The following SETX variants were observed in gnomAD, a reference collection of about 807,000 sequenced individuals.
The protein encoded by SETX is senataxin, also known as helicase senataxin.
Under a neutral mutation model 227.2 loss-of-function variants are expected in SETX, and 90 were observed. The observed-to-expected ratio is 0.40, with a 90% confidence interval of 0.33 to 0.47. SETX has a LOEUF of 0.47. Among genes scored for constraint, SETX ranks in the 20% least tolerant of loss-of-function variants. SETX has a pLI of 0.91. For synonymous variants in SETX, 1,210 were observed against 1,113.2 expected (o/e 1.09, Z -1.73); for missense variants, 3,052 against 3,181.5 (o/e 0.96, Z 0.98).
In SETX at chr9:132,268,956, C is replaced by A. The variant is rs113929520; in HGVS notation, c.7287+659G>T. Among the ~76,000 whole-genome samples the A allele has an allele frequency of 3.6e-3, 546 of 152,156 alleles. 3 individuals carry two copies. Among genetic ancestry groups the A allele is most frequent in the African/African-American group, 0.013 (521 of 41,512 alleles). On this transcript the variant is annotated intron_variant, in intron 25 of 25. Coordinates refer to ENST00000224140, the MANE Select transcript of SETX (RefSeq NM_015046.7). ...GAACCAAAACCAGGGGAAACAGCCA[C>A]CAAGTTGGCTCTTCTTAGATGAAAT... is the stretch of plus-strand genomic sequence containing the variant.
At chr9:132,288,207 G>A in intron 17 of SETX, 29 bp downstream of exon 17, 1 of 1,566,548 alleles carries the variant, frequency 6.4e-7, no homozygotes, top group Non-Finnish European at 8.8e-7. Flanking sequence ...TCGTATACCT[G>A]AGTTATTATT....
At position 132,311,845 on chromosome 9, in the gene SETX, T is replaced by C. The variant is rs1157455519; in HGVS notation, c.5286A>G (p.Glu1762=). The C allele has an allele frequency of 3.7e-6, 6 of 1,612,732 alleles. No homozygotes were observed. The highest frequency in any genetic ancestry group is 5.1e-6 in the Non-Finnish European group (6 of 1,179,208). Residue 1762 remains glutamate (E), a synonymous_variant, in exon 11 of 26, where the codon GAA becomes GAG. Coordinates refer to ENST00000224140, the MANE Select transcript of SETX (RefSeq NM_015046.7). ...VLNTFETVAQ[E]WLNSPNRENF... ...TCTCTCTATTTGGAGAGTTGAGCCA[T>C]TCTTGTGCCACCTATACAAAGCACA...
At chr9:132,283,114 T>G in intron 19 of SETX, 150 bp downstream of exon 19, 1 of 989,292 alleles carries the variant, frequency 1.0e-6, no homozygotes, top group South Asian at 1.4e-5. Context: ...AGGAGTATAT[T>G]TCTACATAAG....
Position 132,328,498 on chromosome 9 carries a change from T to A in SETX, c.3100A>T (p.Thr1034Ser). ...TCAAGGCATATTTTGTCCTGTTTAG[T>A]GAGTTTCTCAAGACTCAGGATTCTT... ...DERILSLEKL[T>S]KQDKICLERE... is the part of the protein sequence containing the mutation. Residue 1034 changes from threonine to serine, a missense_variant, in exon 10 of 26, where the codon ACT becomes TCT. This residue lies in a region of SETX where 1,483 missense variants were observed against 1,312.0 expected (regional missense o/e 1.13). Transcript: ENST00000224140. 6.2e-7 allele frequency: 1 copy of A among 1,613,946 alleles called. No homozygotes were observed. The highest frequency in any genetic ancestry group is 8.5e-7 in the Non-Finnish European group (1 of 1,179,994).
chr9:132,318,131 T>G (rs139122482), intron 10 of SETX, among the ~76,000 whole-genome samples: 53 of 152,314 alleles, frequency 3.5e-4, no homozygotes, highest in African/African-American at 1.3e-3. Flanking sequence ...TACACGTTCT[T>G]CAGTTGTATC....
Position 132,265,318 on chromosome 9 carries a change from C to T in SETX, c.7288-333G>A, listed in dbSNP as rs539846851. Among the ~76,000 whole-genome samples the T allele has an allele frequency of 1.6e-3, 244 of 151,162 alleles. 1 individual carries two copies. The highest frequency in any genetic ancestry group is 0.014 in the Middle Eastern group (4 of 292). On this transcript the variant is annotated intron_variant, in intron 25 of 25. Transcript: ENST00000224140. ...TTGGCTCACTGCAACCTCCACCTCC[C>T]GGGTTCACGCCATTCTCCTGCCTCA...
chr9:132,335,213 A>G (rs375851326), intron 6 of SETX, among the ~76,000 whole-genome samples: 11 of 151,288 alleles, frequency 7.3e-5, no homozygotes, highest in African/African-American at 1.9e-4. Context: ...ACATGGTGAA[A>G]CCCCGTCTCT....
chr9:132,315,451 C>T lies in SETX; in HGVS notation c.5275-3595G>A, dbSNP rs181287701. On this transcript the variant is annotated intron_variant, in intron 10 of 25. Coordinates refer to ENST00000224140, the MANE Select transcript of SETX (RefSeq NM_015046.7). The stretch of plus-strand genomic sequence containing the variant: ...CCCTCTTCCTTTGAGGACTTAAACT[C>T]CTAGAGTTATCCATTTTCTTGCATC... Among the ~76,000 whole-genome samples, 29 of 152,304 alleles carry T rather than the reference C, an allele frequency of 1.9e-4. No homozygotes were observed. In the East Asian group the frequency reaches 5.2e-3, roughly 27 times the overall value.
At chr9:132,283,800 T>G (rs760917866) in intron 18 of SETX, among the ~76,000 whole-genome samples, 1 of 152,214 alleles carries the variant, frequency 6.6e-6, no homozygotes, top group Admixed American at 6.5e-5. Flanking sequence ...TCAGCCTGAA[T>G]GTACATTTTT....
At chr9:132,339,048 C>A (rs1340776259) in intron 5 of SETX, among the ~76,000 whole-genome samples, 1 of 152,204 alleles carries the variant, frequency 6.6e-6, no homozygotes, top group African/African-American at 2.4e-5. Flanking sequence ...CGAGCATGAG[C>A]GACCATGCCC....
intron 18 of SETX, among the ~76,000 whole-genome samples, chr9:132,285,001 C>G (rs1368912131): frequency 6.6e-6 from 1 of 151,960 alleles, no homozygotes; most frequent in African/African-American, 2.4e-5. Context: ...GCCTCAGGCT[C>G]CCGAGTAGGT....
At chr9:132,338,237 G>A (rs955714893) in intron 5 of SETX, among the ~76,000 whole-genome samples, 1 of 151,804 alleles carries the variant, frequency 6.6e-6, no homozygotes, top group Admixed American at 6.6e-5. Flanking sequence ...GATTACAAGG[G>A]TGCACCACCA....
chr9:132,276,425 C>T (rs77978011), intron 22 of SETX, among the ~76,000 whole-genome samples: 14,143 of 152,188 alleles, frequency 0.093, 727 homozygotes, highest in South Asian at 0.15. Flanking sequence ...CGCCTGAGGA[C>T]GCCACCTGCT....
Position 132,346,387 on chromosome 9 carries a change from A to AT in SETX, c.261dup (p.Tyr88IlefsTer6). On this transcript the variant is annotated frameshift_variant, in exon 4 of 26. Coordinates refer to ENST00000224140, the MANE Select transcript of SETX (RefSeq NM_015046.7). LOFTEE classifies it high-confidence loss of function. ...ATCTCTCCATTATTGTCTACTATAT[A>AT]TAACTCATCATCATCTCCAATTTCT... 1 of 1,613,838 alleles carries AT rather than the reference A, an allele frequency of 6.2e-7. No homozygotes were observed. The highest frequency in any genetic ancestry group is 8.5e-7 in the Non-Finnish European group (1 of 1,179,752).
At chr9:132,272,649 T>C (rs1262689746) in intron 23 of SETX, among the ~76,000 whole-genome samples, 1 of 152,134 alleles carries the variant, frequency 6.6e-6, no homozygotes, top group Non-Finnish European at 1.5e-5. Context: ...TTAGCCTGAA[T>C]TTCCTCCTCT....
intron 10 of SETX, among the ~76,000 whole-genome samples, chr9:132,325,171 A>G (rs1404183343): frequency 6.6e-6 from 1 of 152,036 alleles, no homozygotes; most frequent in Non-Finnish European, 1.5e-5. Flanking sequence ...CCTGGCTAAC[A>G]TGGTGAAACC....
chr9:132,310,333 G>T (rs1188780932), intron 11 of SETX, among the ~76,000 whole-genome samples: 1 of 152,154 alleles, frequency 6.6e-6, no homozygotes, highest in East Asian at 1.9e-4. Context: ...TTGTACAATA[G>T]GCTTGGCATT....
intron 25 of SETX, among the ~76,000 whole-genome samples, chr9:132,268,404 G>A (rs1699485528): frequency 6.6e-6 from 1 of 152,236 alleles, no homozygotes; most frequent in Non-Finnish European, 1.5e-5. Context: ...AGGAGGCTGA[G>A]GTGGGAGAAC....
intron 11 of SETX, 139 bp from the exon 12 acceptor site, chr9:132,300,942 G>T (rs1844958658): frequency 3.0e-6 from 2 of 665,740 alleles, no homozygotes; most frequent in Non-Finnish European, 4.8e-6. Context: ...CTTTAAAATG[G>T]TAATCTAATC....
Sources: allele counts gnomAD v4.1 joint callset (sites outside exome capture counted in the v4.1 genomes callset), GRCh38; gene constraint gnomAD v4.1.1; regional missense constraint gnomAD v4.1.1; transcripts MANE v1.5; gene names NCBI Gene and HGNC (gene_info 2026-07-23, HGNC 2026-07-21).